The following CYB5R3 variants were observed in gnomAD, a reference collection of about 807,000 sequenced individuals.
The protein encoded by CYB5R3 is NADH-cytochrome b5 reductase 3.
In CYB5R3, 28 loss-of-function variants were observed where a neutral mutation model predicts 36.5. The observed-to-expected ratio is 0.77, with a 90% CI of 0.57 to 1.05. CYB5R3 has a LOEUF of 1.05. CYB5R3 is among the 50% of genes least tolerant of loss of function. CYB5R3 has a pLI of 0.00. For synonymous variants in CYB5R3, 181 were observed against 159.8 expected, an observed-to-expected ratio of 1.13 and a Z score of -1.00; for missense variants, 474 against 408.9, an observed-to-expected ratio of 1.16 and a Z score of -1.37.
At chr22:42,629,861 G>T (rs925412411) in intron 4 of CYB5R3, among the ~76,000 whole-genome samples, 5 of 152,080 alleles carry the variant, frequency 3.3e-5, no homozygotes, top group Non-Finnish European at 7.4e-5. Flanking sequence ...ACAGTAGCAT[G>T]ATCTTGGCTT....
chr22:42,625,591 T>A (rs758952126), intron 7 of CYB5R3, among the ~76,000 whole-genome samples: 16 of 152,010 alleles, frequency 1.1e-4, no homozygotes, highest in Admixed American at 2.0e-4. Context: ...TCCTTTGAGG[T>A]GGCCACCGCC....
Position 42,649,377 on chromosome 22 carries a change from G to T in CYB5R3, c.-62C>A. ...CGCCGCCGCCGAGACCGTCGCGCCC[G>T]GGCCCGCGTCACTCCGGAGCAGGGG... On this transcript the variant is annotated 5_prime_UTR_variant, in exon 1 of 9. Coordinates refer to ENST00000352397, the MANE Select transcript of CYB5R3 (RefSeq NM_000398.7). 4.9e-6 allele frequency: 3 copies of T among 610,500 alleles called. No individual in the cohort carries two copies. The highest frequency in any genetic ancestry group is 6.2e-6 in the Non-Finnish European group (3 of 482,918). The allele number at this position is 610,500 out of a possible 1,614,324, so 37.8% of individuals were successfully genotyped here.
intron 1 of CYB5R3, chr22:42,646,750 G>T: frequency 3.0e-6 from 3 of 986,234 alleles, no homozygotes; most frequent in Non-Finnish European, 2.4e-6. Flanking sequence ...GTTCTGCAGT[G>T]GGGGGCTCTG....
chr22:42,625,466 G>A (rs1053009628), intron 7 of CYB5R3, among the ~76,000 whole-genome samples: 8 of 152,084 alleles, frequency 5.3e-5, no homozygotes, highest in African/African-American at 9.7e-5. Context: ...CGAGATTCAC[G>A]CCATTGCACT....
chr22:42,631,296 A>G (rs1928601982), intron 3 of CYB5R3, 82 bp downstream of exon 3: 2 of 1,381,248 alleles, frequency 1.4e-6, no homozygotes, highest in Non-Finnish European at 2.0e-6. Flanking sequence ...TCCCTGGTGG[A>G]AATGTAAAGC....
intron 8 of CYB5R3, among the ~76,000 whole-genome samples, chr22:42,623,224 G>A (rs1569316541): frequency 6.6e-6 from 1 of 152,220 alleles, no homozygotes; most frequent in Non-Finnish European, 1.5e-5. Flanking sequence ...ACTCCCAGAG[G>A]CAACCTCACT....
intron 1 of CYB5R3, chr22:42,640,256 T>TACGGACAAATGGAGCCATGGTTCTGGG (rs1345713854): frequency 3.2e-6 from 5 of 1,568,542 alleles, no homozygotes; most frequent in Non-Finnish European, 4.3e-6. Flanking sequence ...TCCACAAGGT[T>TACGGACAAATGGAGCCATGGTTCTGGG]ACGGACAAAT....
intron 1 of CYB5R3, chr22:42,640,274 T>C (rs1569326030): frequency 1.4e-5 from 22 of 1,556,934 alleles, no homozygotes; most frequent in Middle Eastern, 1.7e-4. Context: ...AATGGAGCCA[T>C]GGTTCTGGGA....
Position 42,636,844 on chromosome 22 carries a change from C to A in CYB5R3, c.24G>T (p.Leu8Phe). The part of the protein sequence containing the change: MGAQLST[L>F]GHMVLFPVWF... ...AGACTGGGAAGAGCACCATATGGCC[C>A]AACTGAAACGACAGGACCCGCGGGG... The change falls in exon 2 of 9, where the codon TTG becomes TTT. Residue 8 changes from leucine (L) to phenylalanine (F), a missense_variant and splice_region_variant. Transcript: ENST00000352397. The A allele has an allele frequency of 6.2e-7, 1 of 1,613,328 alleles. No individual in the cohort carries two copies. Among genetic ancestry groups the A allele is most frequent in the South Asian group, 1.1e-5 (1 of 91,060 alleles).
intron 1 of CYB5R3, chr22:42,646,925 C>T: frequency 1.0e-6 from 1 of 985,562 alleles, no homozygotes; most frequent in Non-Finnish European, 1.2e-6. Flanking sequence ...CACAGCCGGG[C>T]TGGGAGGCAG....
chr22:42,649,145 G>A, intron 1 of CYB5R3, 150 bp downstream of exon 1: 1 of 216,332 alleles, frequency 4.6e-6, no homozygotes, highest in Non-Finnish European at 8.3e-6. Context: ...TGTGGGGTGG[G>A]GTGGGGCGCG....
intron 1 of CYB5R3, among the ~76,000 whole-genome samples, chr22:42,638,490 G>A (rs1022144257): frequency 6.9e-6 from 1 of 145,854 alleles, no homozygotes; most frequent in Non-Finnish European, 1.5e-5. Context: ...GATTGCTTGA[G>A]CCCAGTAGTT....
chr22:42,638,728 T>TAAAAAAAAAAAAAAAAAAAGAAAAAA (rs1929049731), intron 1 of CYB5R3, among the ~76,000 whole-genome samples: 1 of 47,488 alleles, frequency 2.1e-5, no homozygotes, highest in Non-Finnish European at 3.6e-5. Context: ...CAAGACTCCA[T>TAAAAAAAAAAAAAAAAAAAGAAAAAA]AAAAAAAAAA....
In CYB5R3 at chr22:42,619,602, C is replaced by T. The variant is rs1226494990; in HGVS notation, c.*171G>A. 4 of 649,618 alleles carry T rather than the reference C, an allele frequency of 6.2e-6. No homozygotes were observed. Among genetic ancestry groups the T allele is most frequent in the African/African-American group, 1.8e-5 (1 of 54,992 alleles). The allele number at this position is 649,618 out of a possible 1,614,324, so 40.2% of individuals were successfully genotyped here. On this transcript the variant is annotated 3_prime_UTR_variant, in exon 9 of 9. Transcript: ENST00000352397. Reference sequence around the variant, plus strand: ...CAGCCGTGGCCCATCTGGGACACAGCCCTGCTCCCGAAGGGGCTCCAGGGG... The same window carrying T: ...CAGCCGTGGCCCATCTGGGACACAGTCCTGCTCCCGAAGGGGCTCCAGGGG...
intron 4 of CYB5R3, 79 bp from the exon 5 acceptor site, chr22:42,628,360 G>A (rs1399666042): frequency 1.3e-6 from 2 of 1,571,008 alleles, no homozygotes; most frequent in Admixed American, 1.7e-5. Context: ...GGAGACAAGT[G>A]CCTCTTCTGC....
In CYB5R3 at chr22:42,623,380, G is replaced by A. The variant is rs116384054; in HGVS notation, c.733+409C>T. Among the ~76,000 whole-genome samples the A allele has an allele frequency of 5.8e-3, 877 of 152,278 alleles. 8 individuals are homozygous for A. Among genetic ancestry groups the A allele is most frequent in the Middle Eastern group, 0.024 (7 of 294 alleles). The stretch of plus-strand genomic sequence containing the variant: ...AGCCCACTCCCCAGGGCTGACAATG[G>A]GAGAGAAGATGGCCTTGGTGTAACT... On this transcript the variant is annotated intron_variant, in intron 8 of 8. Transcript: ENST00000352397.
intron 1 of CYB5R3, chr22:42,639,186 TG>T: frequency 6.6e-6 from 2 of 304,626 alleles, no homozygotes; most frequent in Non-Finnish European, 1.3e-5. Flanking sequence ...AAAAATTAGC[TG>T]GGTGTGGTGG....
intron 1 of CYB5R3, 53 bp downstream of exon 1, chr22:42,649,242 G>T: frequency 1.9e-6 from 1 of 518,140 alleles, no homozygotes; most frequent in Non-Finnish European, 2.6e-6. Context: ...CCTCGCCGCC[G>T]GGTCCCAGTC....
chr22:42,643,077 C>G (rs1468247549), intron 1 of CYB5R3, among the ~76,000 whole-genome samples: 1 of 152,162 alleles, frequency 6.6e-6, no homozygotes, highest in Non-Finnish European at 1.5e-5. Flanking sequence ...CAGACAAGTG[C>G]CTCTGCTCTA....
Sources: gnomAD v4.1 joint callset for allele counts (sites outside exome capture counted in the v4.1 genomes callset) on GRCh38, gnomAD v4.1.1 for gene constraint, MANE v1.5 for transcripts, NCBI Gene and HGNC (gene_info 2026-07-23, HGNC 2026-07-21) for gene names.